MYOM1: variants seen among roughly 807,000 people sequenced by gnomAD.
The protein encoded by MYOM1 is myomesin 1, also known as myomesin-1.
A neutral mutation model predicts 205.3 loss-of-function variants in MYOM1; 164 were observed. The ratio of observed to expected loss-of-function variants is 0.80; its 90% CI spans 0.70 to 0.91. MYOM1 has a LOEUF of 0.91. Ranked by LOEUF, MYOM1 falls within the 40% of genes least tolerant of loss-of-function variation. The probability of loss-of-function intolerance (pLI) is 0.00; values close to 1 mark genes in which losing one functional copy is unlikely to be tolerated. For missense variants in MYOM1, 2,011 were observed against 2,127.3 expected (o/e 0.95, Z 1.08); for synonymous variants, 772 against 789.4 (o/e 0.98, Z 0.37).
the MYOM1 span, among the ~76,000 whole-genome samples, chr18:3,240,400 C>G: frequency 1.8e-4 from 28 of 152,300 alleles, no homozygotes; most frequent in Admixed American, 8.5e-4. Context: ...CTTTCCCGTG[C>G]TGTTCTCATG....
rs2080638903 is a variant in MYOM1, at chr18:3,176,215, T to G, written c.930-81A>C. ...TAAACACACACACAATTCTTGTTCT[T>G]GCAGGAACATCTGTAAACAGGGCAC... On this transcript the variant is annotated intron_variant, in intron 5 of 37. Transcript: ENST00000356443. 4.9e-6 allele frequency: 4 copies of G among 810,592 alleles called. No individual in the cohort carries two copies. The Admixed American group carries it at 8.1e-5, about 16-fold the overall frequency. 50.2% of individuals were successfully genotyped at this position (810,592 alleles called of 1,614,324 possible).
At chr18:3,234,725 G>T in the MYOM1 span, among the ~76,000 whole-genome samples, 1 of 152,080 alleles carries the variant, frequency 6.6e-6, no homozygotes, top group Non-Finnish European at 1.5e-5. Context: ...TTGTTCCATT[G>T]AAGACACTCC....
the MYOM1 span, among the ~76,000 whole-genome samples, chr18:3,239,803 A>G: frequency 6.6e-6 from 1 of 150,838 alleles, no homozygotes; most frequent in Admixed American, 6.6e-5. Context: ...AGAGCGGAGC[A>G]TGAAAAGACT....
intron 18 of MYOM1, among the ~76,000 whole-genome samples, chr18:3,127,305 A>ATATATATATATATAT (rs56880961): frequency 2.1e-4 from 10 of 47,570 alleles, no homozygotes; most frequent in East Asian, 6.4e-4. Context: ...ATATATATAT[A>ATATATATATATATAT]TTTTTTTTTT....
At position 3,073,702 on chromosome 18, in the gene MYOM1, T is replaced by A. The variant is rs1008136245; in HGVS notation, c.4708+1752A>T. Among the ~76,000 whole-genome samples the A allele has an allele frequency of 3.5e-4, 54 of 152,212 alleles. 1 individual carries two copies. The highest frequency in any genetic ancestry group is 1.2e-3 in the African/African-American group (50 of 41,464). Reference sequence around the variant, plus strand: ...ACCAATCGAATGTTGCCTTTTCCGATGCTACCTATGGCTTGCCTGGGCATG... The same window carrying A: ...ACCAATCGAATGTTGCCTTTTCCGAAGCTACCTATGGCTTGCCTGGGCATG... On this transcript the variant is annotated intron_variant, in intron 36 of 37. Coordinates refer to ENST00000356443, the MANE Select transcript of MYOM1 (RefSeq NM_003803.4).
Position 3,197,609 on chromosome 18 carries a change from C to T in MYOM1, c.291-3651G>A, listed in dbSNP as rs568892255. ...AGTGTTAAGGCTGGGCGCGGTGGCT[C>T]ACGCCTGTAATCCCAGCACGTTGGG... On this transcript the variant is annotated intron_variant, in intron 2 of 37. Transcript: ENST00000356443. Among the ~76,000 whole-genome samples, 382 of 152,156 alleles carry T rather than the reference C, an allele frequency of 2.5e-3. 1 individual carries two copies. The highest frequency in any genetic ancestry group is 4.5e-3 in the Non-Finnish European group (303 of 68,014).
intron 2 of MYOM1, among the ~76,000 whole-genome samples, chr18:3,194,990 C>T (rs1361846749): frequency 6.6e-6 from 1 of 152,064 alleles, no homozygotes; most frequent in African/African-American, 2.4e-5. Context: ...GGTATTGTGG[C>T]ATGGGAAAAG....
chr18:3,127,813 T>G (rs375469746), intron 18 of MYOM1, among the ~76,000 whole-genome samples: 60 of 152,360 alleles, frequency 3.9e-4, no homozygotes, highest in African/African-American at 1.4e-3. Context: ...AATACTTTTA[T>G]CACATTATTT....
chr18:3,129,249 T>G lies in MYOM1; in HGVS notation c.2777A>C (p.Lys926Thr). 6.2e-7 allele frequency: 1 copy of G among 1,613,588 alleles called. No homozygotes were observed. Among genetic ancestry groups the G allele is most frequent in the East Asian group, 2.2e-5 (1 of 44,884 alleles). ...PQGKSKSDPL[K>T]KKTDRAPPSP... ...ACTCTCACCTCTGTCTGTCTTCTTT[T>G]TCAGGGGGTCAGACTTACTTTTCCC... is the stretch of plus-strand genomic sequence containing the variant. Residue 926 changes from lysine to threonine, a missense_variant, in exon 18 of 38, where the codon AAA becomes ACA. By Grantham distance (78) the Lys-to-Thr change is moderately conservative (BLOSUM62 -1). Coordinates refer to ENST00000356443, the MANE Select transcript of MYOM1 (RefSeq NM_003803.4).
At chr18:3,199,490 T>C (rs1344744815) in intron 2 of MYOM1, among the ~76,000 whole-genome samples, 1 of 152,218 alleles carries the variant, frequency 6.6e-6, no homozygotes, top group African/African-American at 2.4e-5. Flanking sequence ...CCTGTGCACA[T>C]GTGCAGAGGA....
intron 22 of MYOM1, among the ~76,000 whole-genome samples, chr18:3,107,555 T>C (rs2079467995): frequency 6.6e-6 from 1 of 152,228 alleles, no homozygotes; most frequent in Non-Finnish European, 1.5e-5. Flanking sequence ...TATTTACACA[T>C]GCAGGACTGG....
intron 17 of MYOM1, among the ~76,000 whole-genome samples, 185 bp downstream of exon 17, chr18:3,131,190 T>C (rs1239519890): frequency 6.6e-6 from 1 of 152,218 alleles, no homozygotes; most frequent in Non-Finnish European, 1.5e-5. Flanking sequence ...GGATAAGTGA[T>C]GAAGGTCTGT....
intron 14 of MYOM1, among the ~76,000 whole-genome samples, chr18:3,140,836 A>G (rs1330406851): frequency 1.3e-5 from 2 of 152,226 alleles, no homozygotes; most frequent in Non-Finnish European, 2.9e-5. Flanking sequence ...ATGAAACTAA[A>G]ATGTAAAGTA....
intron 12 of MYOM1, among the ~76,000 whole-genome samples, chr18:3,149,872 A>C (rs1346327687): frequency 6.6e-6 from 1 of 152,138 alleles, no homozygotes; most frequent in African/African-American, 2.4e-5. Flanking sequence ...GGCAGTAAAG[A>C]AGGTAACTTA....
chr18:3,100,794 CTCTCCTATGCCA>C (rs2079365166), intron 23 of MYOM1, among the ~76,000 whole-genome samples: 1 of 152,318 alleles, frequency 6.6e-6, no homozygotes, highest in East Asian at 1.9e-4. Flanking sequence ...CTCTGGGTGC[CTCTCCTATGCCA>C]TCTCCTGCTC....
At position 3,094,069 on chromosome 18, in the gene MYOM1, C is replaced by A. The variant is rs138249075; in HGVS notation, c.3864+101G>T. ...GAAGGATTTAAACTCTCCCACTCCA[C>A]CACCCAGCGGTTTTTATAACAACAT... On this transcript the variant is annotated intron_variant, in intron 26 of 37. Transcript: ENST00000356443. 4.4e-3 allele frequency: 5,349 copies of A among 1,224,756 alleles called. 13 individuals carry two copies. The highest frequency in any genetic ancestry group is 5.6e-3 in the Non-Finnish European group (4,896 of 871,928). 75.9% of individuals were successfully genotyped at this position (1,224,756 alleles called of 1,614,324 possible). A position where few individuals can be genotyped will look rare whatever the true frequency, so the allele number is the denominator to read the frequency against.
Position 3,144,361 on chromosome 18 carries a change from T to C in MYOM1, c.1901-2298A>G, listed in dbSNP as rs373010169. 1.6e-3 allele frequency among the ~76,000 whole-genome samples: 247 copies of C among 150,532 alleles called. 1 individual carries two copies. Among genetic ancestry groups the C allele is most frequent in the African/African-American group, 5.8e-3 (238 of 40,980 alleles). On this transcript the variant is annotated intron_variant, in intron 13 of 37. Transcript: ENST00000356443. ...ATCATAGCCAACAAGAGAATACAGATAAAATGGAATAATAAAAAATACTCA... is the reference window on the plus strand; with the variant it reads ...ATCATAGCCAACAAGAGAATACAGACAAAATGGAATAATAAAAAATACTCA...
the MYOM1 span, among the ~76,000 whole-genome samples, chr18:3,239,520 C>T: frequency 6.6e-6 from 1 of 151,974 alleles, no homozygotes; most frequent in Non-Finnish European, 1.5e-5. Context: ...CTTTTGAGGC[C>T]AACGCAGGCA....
At chr18:3,174,234 T>C in intron 6 of MYOM1, 26 bp from the exon 7 acceptor site, 1 of 1,588,024 alleles carries the variant, frequency 6.3e-7, no homozygotes, top group Non-Finnish European at 8.6e-7. Context: ...GAAATGAATA[T>C]CCATCGTAGT....
Sources: allele counts gnomAD v4.1 joint callset (sites outside exome capture counted in the v4.1 genomes callset), GRCh38; gene constraint gnomAD v4.1.1; transcripts MANE v1.5; gene names NCBI Gene and HGNC (gene_info 2026-07-23, HGNC 2026-07-21).